Variants in ABCA8 observed in about 807,000 individuals in gnomAD.
ABCA8 encodes the protein ATP binding cassette subfamily A member 8.
A neutral mutation model predicts 192.3 loss-of-function variants in ABCA8; 177 were observed. The observed-to-expected ratio is 0.92, with a 90% CI of 0.81 to 1.04. The LOEUF is 1.04. ABCA8 is among the 50% of genes least tolerant of loss of function. The pLI is 0.00. For missense variants in ABCA8, 1,915 were observed against 1,904.8 expected (o/e 1.01, Z -0.10); for synonymous variants, 642 against 690.2 (o/e 0.93, Z 1.09).
intron 17 of ABCA8, among the ~76,000 whole-genome samples, chr17:68,916,024 A>C (rs2067351017): frequency 6.6e-6 from 1 of 152,204 alleles, no homozygotes; most frequent in East Asian, 1.9e-4. Flanking sequence ...AGCTAGGCAC[A>C]GAAAGACAAA....
intron 25 of ABCA8, 36 bp from the exon 26 acceptor site, chr17:68,887,166 C>T (rs1057195734): frequency 2.7e-6 from 4 of 1,465,006 alleles, no homozygotes; most frequent in Non-Finnish European, 3.7e-6. Context: ...TAGTTAAATA[C>T]AAATGCAATC....
intron 32 of ABCA8, 115 bp from the exon 33 acceptor site, chr17:68,877,794 G>T (rs1567821045): frequency 9.0e-7 from 1 of 1,112,998 alleles, no homozygotes; most frequent in East Asian, 2.6e-5. Flanking sequence ...AAACCTCATT[G>T]GGTTTAATAA....
chr17:68,899,340 C>T (rs2143454577), intron 21 of ABCA8, among the ~76,000 whole-genome samples: 1 of 152,050 alleles, frequency 6.6e-6, no homozygotes, highest in South Asian at 2.1e-4. Context: ...TTATAGGAGA[C>T]ACATATCAAA....
chr17:68,889,606 C>G (rs1240267193), intron 24 of ABCA8, among the ~76,000 whole-genome samples: 1 of 152,054 alleles, frequency 6.6e-6, no homozygotes, highest in Non-Finnish European at 1.5e-5. Context: ...TGAATGAGGT[C>G]TGATGAATGC....
intron 23 of ABCA8, among the ~76,000 whole-genome samples, chr17:68,893,350 G>T (rs1255546366): frequency 6.6e-6 from 1 of 152,084 alleles, no homozygotes; most frequent in East Asian, 1.9e-4. Context: ...TATACATTCC[G>T]ATCACTTGGA....
chr17:68,922,214 T>TAAC, intron 12 of ABCA8, 28 bp downstream of exon 12: 1 of 91,744 alleles, frequency 1.1e-5, no homozygotes, highest in Non-Finnish European at 2.0e-5. Context: ...TTTTTTTTTT[T>TAAC]TTTTTTTTTT....
chr17:68,873,523 T>A (rs1217484960), intron 37 of ABCA8, among the ~76,000 whole-genome samples: 1 of 152,232 alleles, frequency 6.6e-6, no homozygotes, highest in Non-Finnish European at 1.5e-5. Flanking sequence ...GTCAATTGTT[T>A]CTTTTGCTGT....
chr17:68,910,425 A>G (rs1041672786), intron 17 of ABCA8, among the ~76,000 whole-genome samples: 4 of 152,278 alleles, frequency 2.6e-5, no homozygotes, highest in Admixed American at 1.3e-4. Context: ...CAGAGGGAGC[A>G]TTTAGACCAG....
intron 17 of ABCA8, among the ~76,000 whole-genome samples, chr17:68,913,681 C>T (rs1368530986): frequency 6.6e-6 from 1 of 151,804 alleles, no homozygotes; most frequent in Non-Finnish European, 1.5e-5. Flanking sequence ...AAGATTGAAC[C>T]GTGAAGAAAT....
chr17:68,901,600 G>A (rs1410768839), intron 21 of ABCA8, among the ~76,000 whole-genome samples: 3 of 152,104 alleles, frequency 2.0e-5, no homozygotes, highest in Admixed American at 6.5e-5. Flanking sequence ...GAGGTCAAGA[G>A]ATCAAGACCA....
At position 68,881,286 on chromosome 17, in the gene ABCA8, C is replaced by G. The variant is rs1049840485; in HGVS notation, c.3947-75G>C. 1.2e-5 allele frequency: 13 copies of G among 1,056,540 alleles called. No homozygotes were observed. The African/African-American group carries it at 2.1e-4, about 17-fold the overall frequency. The allele number at this position is 1,056,540 out of a possible 1,614,324, so 65.4% of individuals were successfully genotyped here. ...AGAGTAAAACATAGTTGAAATCTCA[C>G]TATGTGACAAGCATTTGCTATTAGT... On this transcript the variant is annotated intron_variant, in intron 31 of 39. Coordinates refer to ENST00000586539, the MANE Select transcript of ABCA8 (RefSeq NM_001288985.2).
intron 21 of ABCA8, among the ~76,000 whole-genome samples, chr17:68,901,301 A>T (rs1175735957): frequency 6.6e-6 from 1 of 150,532 alleles, no homozygotes; most frequent in Non-Finnish European, 1.5e-5. Context: ...AATTAAAAAT[A>T]CAATCCATTT....
intron 37 of ABCA8, among the ~76,000 whole-genome samples, chr17:68,872,252 T>C (rs2066077940): frequency 6.6e-6 from 1 of 152,050 alleles, no homozygotes; most frequent in Non-Finnish European, 1.5e-5. Context: ...TATGCAGCCA[T>C]AAAAAATGAT....
chr17:68,951,005 C>G (rs2068552981), intron 1 of ABCA8, among the ~76,000 whole-genome samples: 1 of 152,010 alleles, frequency 6.6e-6, no homozygotes, highest in Admixed American at 6.6e-5. Flanking sequence ...GAGAGCAGAC[C>G]TGGCCTAGCC....
Position 68,940,965 on chromosome 17 carries a change from A to G in ABCA8, c.97-3T>C, listed in dbSNP as rs1412426536. 23 of 1,580,810 alleles carry G rather than the reference A, an allele frequency of 1.5e-5. No homozygotes were observed. The Admixed American group carries it at 3.7e-4, about 26-fold the overall frequency. ...AGGAGCAATGAATTCAGCCATTCCT[A>G]TATAATACAGGAAAAAAGATAAAGA... On this transcript the variant is annotated splice_region_variant and splice_polypyrimidine_tract_variant and intron_variant, in intron 3 of 39. Coordinates refer to ENST00000586539, the MANE Select transcript of ABCA8 (RefSeq NM_001288985.2).
Position 68,877,516 on chromosome 17 carries a change from T to TA in ABCA8, c.4199+2dup. 6.2e-7 allele frequency: 1 copy of TA among 1,612,248 alleles called. No homozygotes were observed. ...ATAGAACAGATGTGGCTCCTCTGTG[T>TA]ACCGTGTGATGGCAACCTCAGCATC... On this transcript the variant is annotated splice_region_variant and intron_variant, in intron 33 of 39. Coordinates refer to ENST00000586539, the MANE Select transcript of ABCA8 (RefSeq NM_001288985.2).
chr17:68,872,527 T>C (rs1334446912), intron 37 of ABCA8, among the ~76,000 whole-genome samples: 3 of 150,666 alleles, frequency 2.0e-5, no homozygotes, highest in Non-Finnish European at 4.4e-5. Flanking sequence ...TGTATACATA[T>C]GTAACTAACC....
intron 32 of ABCA8, chr17:68,880,691 C>T (rs1357410509): frequency 1.1e-5 from 2 of 177,812 alleles, no homozygotes; most frequent in Non-Finnish European, 2.3e-5. Context: ...GCAGCCTGCC[C>T]CACCACAACC....
intron 5 of ABCA8, among the ~76,000 whole-genome samples, chr17:68,933,730 C>T (rs540005490): frequency 5.9e-5 from 9 of 152,072 alleles, no homozygotes; most frequent in African/African-American, 1.4e-4. Context: ...TTACTTACTA[C>T]GCTTAAATCA....
Sources: allele counts gnomAD v4.1 joint callset (sites outside exome capture counted in the v4.1 genomes callset), GRCh38; gene constraint gnomAD v4.1.1; transcripts MANE v1.5; gene names NCBI Gene and HGNC (gene_info 2026-07-23, HGNC 2026-07-21).